Variants in FAM227A observed in about 807,000 individuals in gnomAD.
FAM227A encodes the protein family with sequence similarity 227 member A, also known as protein FAM227A.
Under a neutral mutation model 74.7 loss-of-function variants are expected in FAM227A, and 80 were observed. That is an observed-to-expected ratio of 1.07 (90% confidence interval 0.89 to 1.29). The LOEUF (loss-of-function observed/expected upper bound fraction) is 1.29. Among genes scored for constraint, FAM227A ranks in the 50% most tolerant of loss-of-function variants. FAM227A has a pLI of 0.00. For synonymous variants in FAM227A, 237 were observed against 241.8 expected, an observed-to-expected ratio of 0.98 and a Z score of 0.19; for missense variants, 654 against 683.4, an observed-to-expected ratio of 0.96 and a Z score of 0.48.
intron 11 of FAM227A, 31 bp downstream of exon 11, chr22:38,620,181 A>T: frequency 6.7e-7 from 1 of 1,494,166 alleles, no homozygotes; most frequent in Non-Finnish European, 9.1e-7. Flanking sequence ...TGGGACTCCA[A>T]AGGGGTCCTG....
chr22:38,642,751 C>T (rs1347053755), intron 3 of FAM227A, among the ~76,000 whole-genome samples: 1 of 151,868 alleles, frequency 6.6e-6, no homozygotes, highest in Non-Finnish European at 1.5e-5. Context: ...GCCTGGCCAA[C>T]ATGGTGAAAC....
chr22:38,592,263 CAA>C (rs1225260531), intron 15 of FAM227A, among the ~76,000 whole-genome samples: 2 of 151,964 alleles, frequency 1.3e-5, no homozygotes, highest in African/African-American at 4.8e-5. Flanking sequence ...TCTTAAACAA[CAA>C]AAAGTGATGT....
Position 38,650,206 on chromosome 22 carries a change from C to G in FAM227A, c.-38G>C, listed in dbSNP as rs1422563719. Reference sequence around the variant, plus strand: ...TGTAAATGGACAAACAAAAAGCTTCCACTTTTAAGAGCCTCTCATTTCCCA... The same window carrying G: ...TGTAAATGGACAAACAAAAAGCTTCGACTTTTAAGAGCCTCTCATTTCCCA... On this transcript the variant is annotated 5_prime_UTR_variant, in exon 2 of 17. Transcript: ENST00000535113. The G allele has an allele frequency of 6.5e-7, 1 of 1,546,466 alleles. No individual in the cohort carries two copies. The highest frequency in any genetic ancestry group is 2.0e-5 in the Admixed American group (1 of 50,540).
rs1286019742 is a variant in FAM227A, at chr22:38,636,558, A to G, written c.412T>C (p.Tyr138His). 1.3e-6 allele frequency: 2 copies of G among 1,551,706 alleles called. No individual in the cohort carries two copies. Among genetic ancestry groups the G allele is most frequent in the East Asian group, 4.9e-5 (2 of 40,914 alleles). ...DKNLLAELYQ[Y>H]SNFNSSKPNK... is the part of the protein sequence containing the mutation. ...GGCTTGGAGCTGTTGAAGTTGGAAT[A>G]CTGGTACAGCTCTGCCAGCAGATTT... Residue 138 changes from tyrosine (Y) to histidine (H), a missense_variant, in exon 6 of 17, where the codon TAT (tyrosine) becomes CAT (histidine). Tyr to His is a moderately conservative substitution (Grantham distance 83). Transcript: ENST00000535113.
chr22:38,625,250 G>A (rs902795919), intron 9 of FAM227A, among the ~76,000 whole-genome samples: 1 of 151,904 alleles, frequency 6.6e-6, no homozygotes, highest in Non-Finnish European at 1.5e-5. Context: ...TTAGCTGGGC[G>A]TAGTGGTGGG....
In FAM227A at chr22:38,582,813, T is replaced by A. The variant is rs1413192750; in HGVS notation, c.*3312A>T. 1 of 1,549,010 alleles carries A rather than the reference T, an allele frequency of 6.5e-7. No homozygotes were observed. Among genetic ancestry groups the A allele is most frequent in the Admixed American group, 2.0e-5 (1 of 50,974 alleles). ...TATGGTAACTGCTGCCATAATGGGA[T>A]GGCACAGAATGCTGTTGGAGCATAA... On this transcript the variant is annotated 3_prime_UTR_variant, in exon 17 of 17. Coordinates refer to ENST00000535113, the MANE Select transcript of FAM227A (RefSeq NM_001013647.2).
chr22:38,649,576 AAG>A (rs1273326561), intron 2 of FAM227A, among the ~76,000 whole-genome samples: 4 of 149,916 alleles, frequency 2.7e-5, no homozygotes, highest in African/African-American at 7.4e-5. Flanking sequence ...AAAAAAAAAA[AAG>A]GAATATGGCT....
chr22:38,655,266 G>A (rs1463826335), intron 1 of FAM227A, among the ~76,000 whole-genome samples: 3 of 151,792 alleles, frequency 2.0e-5, no homozygotes, highest in Non-Finnish European at 4.4e-5. Flanking sequence ...GCAGTGGCCC[G>A]CACCTGTAAT....
At chr22:38,621,434 G>A (rs1555964068) in intron 10 of FAM227A, among the ~76,000 whole-genome samples, 1 of 151,022 alleles carries the variant, frequency 6.6e-6, no homozygotes, top group Non-Finnish European at 1.5e-5. Flanking sequence ...CAGGGAAATC[G>A]TATCTATGAA....
rs1028041375 is a variant in FAM227A, at chr22:38,645,579, G to A, written c.209C>T (p.Pro70Leu). The A allele has an allele frequency of 1.7e-5, 27 of 1,551,138 alleles. No homozygotes were observed. Among genetic ancestry groups the A allele is most frequent in the South Asian group, 3.6e-5 (3 of 84,026 alleles). The change falls in exon 3 of 17, where the codon CCG becomes CTG. Residue 70 changes from proline (P) to leucine (L), a missense_variant. By Grantham distance (98) the Pro-to-Leu change is moderately conservative. Transcript: ENST00000535113. ...GTAACTCACCAGGCTGTTGGCCGAC[G>A]GCTCGGTACGCAGATTTATGTCAGC... ...KIADINLRTE[P>L]SANSLAIERF...
At chr22:38,610,071 C>A (rs935188451) in intron 11 of FAM227A, among the ~76,000 whole-genome samples, 5 of 151,580 alleles carry the variant, frequency 3.3e-5, no homozygotes, top group African/African-American at 1.2e-4. Flanking sequence ...CTGGGCCCGG[C>A]CATTTTTTGT....
Position 38,610,912 on chromosome 22 carries a change from T to C in FAM227A, c.1039-3436A>G, listed in dbSNP as rs142986224. Among the ~76,000 whole-genome samples, 1,502 of 151,638 alleles carry C rather than the reference T, an allele frequency of 9.9e-3. 34 individuals carry two copies. The highest frequency in any genetic ancestry group is 0.035 in the African/African-American group (1,456 of 41,312). On this transcript the variant is annotated intron_variant, in intron 11 of 16. Coordinates refer to ENST00000535113, the MANE Select transcript of FAM227A (RefSeq NM_001013647.2). The stretch of plus-strand genomic sequence containing the variant: ...CTGTCTCTACTAAAAATACAAAAAT[T>C]AGCGGGGAGTGGTGGCAGGCACCTG...
chr22:38,612,409 C>T (rs952371594), intron 11 of FAM227A, among the ~76,000 whole-genome samples: 4 of 151,764 alleles, frequency 2.6e-5, no homozygotes, highest in East Asian at 3.9e-4. Flanking sequence ...TCTTTTTTTT[C>T]GCCTCAGGGC....
chr22:38,634,680 G>C (rs1428550439), intron 6 of FAM227A, among the ~76,000 whole-genome samples: 1 of 152,172 alleles, frequency 6.6e-6, no homozygotes. Context: ...GTCCTGTAGG[G>C]AACGTGATGC....
intron 14 of FAM227A, among the ~76,000 whole-genome samples, chr22:38,598,090 C>T (rs1016105038): frequency 6.6e-6 from 1 of 151,832 alleles, no homozygotes; most frequent in African/African-American, 2.4e-5. Flanking sequence ...TGCCCTCCTT[C>T]CACCCCTTCT....
chr22:38,623,106 C>A, intron 10 of FAM227A, 66 bp downstream of exon 10: 1 of 1,138,766 alleles, frequency 8.8e-7, no homozygotes, highest in Non-Finnish European at 1.3e-6. Flanking sequence ...CCTCTCCTCC[C>A]TCAGTTAGAT....
intron 1 of FAM227A, among the ~76,000 whole-genome samples, chr22:38,650,858 C>T (rs909728015): frequency 1.3e-5 from 2 of 152,188 alleles, no homozygotes; most frequent in Non-Finnish European, 2.9e-5. Context: ...TTACTTCCAT[C>T]TGTGGGCCCT....
intron 6 of FAM227A, among the ~76,000 whole-genome samples, chr22:38,631,206 A>G (rs2091909410): frequency 6.6e-6 from 1 of 152,190 alleles, no homozygotes; most frequent in Non-Finnish European, 1.5e-5. Context: ...TGATGCAGCC[A>G]TAAAAAAAGA....
chr22:38,613,092 ATATTATATAT>A (rs1569206532), intron 11 of FAM227A, among the ~76,000 whole-genome samples: 11 of 96,092 alleles, frequency 1.1e-4, no homozygotes, highest in African/African-American at 5.0e-4. Context: ...TTATATATAT[ATATTATATAT>A]AATTATATAT....
Sources: allele counts gnomAD v4.1 joint callset (sites outside exome capture counted in the v4.1 genomes callset), GRCh38; gene constraint gnomAD v4.1.1; transcripts MANE v1.5; gene names NCBI Gene and HGNC (gene_info 2026-07-23, HGNC 2026-07-21).